Variants in SNUPN observed in about 807,000 individuals in gnomAD.
The protein encoded by SNUPN is snurportin 1.
SNUPN carries 31 observed loss-of-function variants against 39.2 expected under a neutral mutation model. The ratio of observed to expected loss-of-function variants is 0.79; its 90% CI spans 0.59 to 1.07. The LOEUF is 1.07. Ranked by LOEUF, SNUPN falls within the 50% of genes least tolerant of loss-of-function variation. The pLI, the probability that SNUPN is intolerant of heterozygous loss-of-function variation, is 0.00. For missense variants in SNUPN, 382 were observed against 434.2 expected (o/e 0.88, Z 1.07); for synonymous variants, 132 against 159.0 (o/e 0.83, Z 1.28).
intron 3 of SNUPN, among the ~76,000 whole-genome samples, chr15:75,613,723 C>G (rs1440276494): frequency 1.3e-5 from 2 of 150,870 alleles, no homozygotes; most frequent in African/African-American, 4.9e-5. Context: ...CAAATCAAAA[C>G]CACAAGAAAC....
chr15:75,616,412 C>T (rs886386954), intron 3 of SNUPN, among the ~76,000 whole-genome samples: 3 of 151,676 alleles, frequency 2.0e-5, no homozygotes, highest in Middle Eastern at 3.4e-3. Context: ...GAGCCACGAT[C>T]GTACCACTGC....
intron 2 of SNUPN, among the ~76,000 whole-genome samples, chr15:75,619,022 TAAAAAA>T (rs35749195): frequency 6.7e-5 from 5 of 74,352 alleles, no homozygotes; most frequent in Admixed American, 5.2e-4. Context: ...CTACTTGTGT[TAAAAAA>T]AAAAAAAAAA....
intron 3 of SNUPN, among the ~76,000 whole-genome samples, chr15:75,615,594 ATTTTTTTT>A (rs141302808): frequency 2.7e-5 from 2 of 73,974 alleles, no homozygotes; most frequent in African/African-American, 1.0e-4. Flanking sequence ...AAGGAATCTC[ATTTTTTTT>A]TTTTTTTTTT....
At chr15:75,605,089 TA>T in intron 7 of SNUPN, 60 bp downstream of exon 7, 1 of 1,024,504 alleles carries the variant, frequency 9.8e-7, no homozygotes, top group Non-Finnish European at 1.5e-6. Context: ...TATATTTAGA[TA>T]ACAGACCAAT....
At chr15:75,625,914 T>G (rs1318724353), upstream of SNUPN, 1 of 152,422 alleles carries the variant, frequency 6.6e-6, no homozygotes, top group African/African-American at 2.4e-5. Context: ...TCTTCTTGCA[T>G]TTGCTTTGCA....
chr15:75,606,889 A>G (rs995716362), intron 6 of SNUPN, among the ~76,000 whole-genome samples: 1 of 152,190 alleles, frequency 6.6e-6, no homozygotes, highest in Non-Finnish European at 1.5e-5. Context: ...TTGCCCCACA[A>G]TCTTCACTGC....
chr15:75,615,949 A>G (rs1567559001), intron 3 of SNUPN, among the ~76,000 whole-genome samples: 2 of 151,826 alleles, frequency 1.3e-5, no homozygotes, highest in South Asian at 2.1e-4. Flanking sequence ...TTCTACACCT[A>G]TTCTAGGAGC....
At chr15:75,614,146 CT>C (rs1892870167) in intron 3 of SNUPN, among the ~76,000 whole-genome samples, 1 of 152,016 alleles carries the variant, frequency 6.6e-6, no homozygotes, top group South Asian at 2.1e-4. Flanking sequence ...TAAAAATTAG[CT>C]GGGTGTGATG....
rs11440076 is a variant in SNUPN, at chr15:75,623,149, CT to C, written c.-5-2094del. Among the ~76,000 whole-genome samples the C allele has an allele frequency of 2.7e-3, 401 of 148,746 alleles. 2 individuals carry two copies. Among genetic ancestry groups the C allele is most frequent in the African/African-American group, 8.6e-3 (350 of 40,764 alleles). On this transcript the variant is annotated intron_variant, in intron 1 of 8. Transcript: ENST00000308588. Reference sequence around the variant, plus strand: ...CTGTAACCTTTAAACATAAAAGAAACTTTTTTTTTTTTGAGACAGAGTTTCA... The same window carrying C: ...CTGTAACCTTTAAACATAAAAGAAACTTTTTTTTTTTGAGACAGAGTTTCA...
upstream of SNUPN, chr15:75,626,186 T>G (rs981162740): frequency 6.6e-6 from 1 of 152,290 alleles, no homozygotes; most frequent in African/African-American, 2.4e-5. Flanking sequence ...CACCCAAGTT[T>G]CAGACACAGA....
intron 8 of SNUPN, 80 bp from the exon 9 acceptor site, chr15:75,598,761 G>C: frequency 8.9e-7 from 1 of 1,128,430 alleles, no homozygotes; most frequent in Admixed American, 2.3e-5. Flanking sequence ...CACAAGGGCA[G>C]CTCTTGTGGT....
At chr15:75,610,140 G>C (rs541630620) in intron 3 of SNUPN, 146 bp from the exon 4 acceptor site, 167 of 659,890 alleles carry the variant, frequency 2.5e-4, no homozygotes, top group Middle Eastern at 5.1e-4. Context: ...GCTCATGCTT[G>C]TAATCCCAGC....
chr15:75,622,743 T>C (rs181365325), intron 1 of SNUPN, among the ~76,000 whole-genome samples: 4 of 152,320 alleles, frequency 2.6e-5, no homozygotes, highest in African/African-American at 9.6e-5. Flanking sequence ...TACAACTCCA[T>C]AGGCCTCTAC....
chr15:75,603,308 A>G (rs964798395), intron 7 of SNUPN, among the ~76,000 whole-genome samples: 3 of 146,904 alleles, frequency 2.0e-5, no homozygotes, highest in Admixed American at 6.7e-5. Flanking sequence ...CGGCCTCCCA[A>G]AGTGCTGGGA....
chr15:75,612,646 T>G (rs1236329920), intron 3 of SNUPN, among the ~76,000 whole-genome samples: 1 of 152,072 alleles, frequency 6.6e-6, no homozygotes, highest in Non-Finnish European at 1.5e-5. Context: ...GCGAGATGTC[T>G]GCTTGGTATC....
At chr15:75,625,297 C>G (rs1472555465) in intron 1 of SNUPN, 1 of 149,764 alleles carries the variant, frequency 6.7e-6, no homozygotes, top group East Asian at 2.0e-4. Context: ...GCCTCGCGTC[C>G]CCTGGGTCCG....
chr15:75,611,835 C>A (rs1892790355), intron 3 of SNUPN, among the ~76,000 whole-genome samples: 1 of 151,846 alleles, frequency 6.6e-6, no homozygotes, highest in South Asian at 2.1e-4. Context: ...AGCCTGGCGA[C>A]AGAGCGAGAC....
In SNUPN at chr15:75,598,239, G is replaced by A. The variant is rs955399865; in HGVS notation, c.*119C>T. ...GATTATAGATAAGCTGTTTCCAGCT[G>A]GACTGGGTTTGGAAAGTTCACTCTA... On this transcript the variant is annotated 3_prime_UTR_variant, in exon 9 of 9. Coordinates refer to ENST00000308588, the MANE Select transcript of SNUPN (RefSeq NM_005701.4). The A allele has an allele frequency of 2.7e-6, 2 of 743,354 alleles. No homozygotes were observed. The highest frequency in any genetic ancestry group is 3.8e-4 in the Middle Eastern group (1 of 2,612). The allele number at this position is 743,354 out of a possible 1,614,324, so 46.0% of individuals were successfully genotyped here.
chr15:75,620,028 C>T (rs759348954), intron 2 of SNUPN, among the ~76,000 whole-genome samples: 5 of 152,132 alleles, frequency 3.3e-5, no homozygotes, highest in South Asian at 4.1e-4. Context: ...GGATTACAGG[C>T]GTCAGCCACC....
Sources: allele counts gnomAD v4.1 joint callset (sites outside exome capture counted in the v4.1 genomes callset), GRCh38; gene constraint gnomAD v4.1.1; transcripts MANE v1.5; gene names NCBI Gene and HGNC (gene_info 2026-07-23, HGNC 2026-07-21).